PCCA: variants seen among roughly 807,000 people sequenced by gnomAD.
PCCA encodes propionyl-CoA carboxylase alpha chain, mitochondrial.
In PCCA, 74 loss-of-function variants were observed where a neutral mutation model predicts 101.3. The observed-to-expected ratio is 0.73, with a 90% CI of 0.61 to 0.89. PCCA has a LOEUF of 0.89. PCCA is among the 40% of genes least tolerant of loss of function. The probability of loss-of-function intolerance (pLI) is 0.00; values close to 1 mark genes in which losing one functional copy is unlikely to be tolerated. For missense variants in PCCA, 891 were observed against 907.0 expected (o/e 0.98, Z 0.23); for synonymous variants, 294 against 313.6 (o/e 0.94, Z 0.66).
intron 12 of PCCA, among the ~76,000 whole-genome samples, chr13:100,278,701 G>A (rs1165830866): frequency 6.6e-6 from 1 of 152,052 alleles, no homozygotes; most frequent in East Asian, 1.9e-4. Flanking sequence ...GATGGTCTCA[G>A]TTTCTTGACC....
In PCCA at chr13:100,300,729, C is replaced by T. The variant is rs571758937; in HGVS notation, c.1066-731C>T. Reference sequence around the variant, plus strand: ...ACCAAGTTTATGTTGACATGTATCCCTGTTTGTGTACCTATATGTCAGCAC... The same window carrying T: ...ACCAAGTTTATGTTGACATGTATCCTTGTTTGTGTACCTATATGTCAGCAC... On this transcript the variant is annotated intron_variant, in intron 12 of 23. Coordinates refer to ENST00000376285, the MANE Select transcript of PCCA (RefSeq NM_000282.4). Among the ~76,000 whole-genome samples, 5 of 152,310 alleles carry T rather than the reference C, an allele frequency of 3.3e-5. No individual in the cohort carries two copies. The East Asian group carries it at 7.7e-4, about 23-fold the overall frequency.
intron 9 of PCCA, among the ~76,000 whole-genome samples, chr13:100,258,070 A>T (rs563994061): frequency 1.3e-5 from 2 of 152,356 alleles, no homozygotes; most frequent in African/African-American, 4.8e-5. Context: ...TTAATGTATT[A>T]CCTCAATATG....
chr13:100,334,193 C>T (rs2070069751), intron 17 of PCCA, among the ~76,000 whole-genome samples: 1 of 152,158 alleles, frequency 6.6e-6, no homozygotes, highest in Non-Finnish European at 1.5e-5. Flanking sequence ...ATTGGAATAC[C>T]TCTCCGGGGA....
intron 19 of PCCA, among the ~76,000 whole-genome samples, chr13:100,371,151 G>A (rs2075548762): frequency 6.6e-6 from 1 of 152,130 alleles, no homozygotes; most frequent in South Asian, 2.1e-4. Flanking sequence ...CCAAGTGGTG[G>A]CAGCTAACCT....
At chr13:100,183,422 C>T (rs1306467948) in intron 6 of PCCA, among the ~76,000 whole-genome samples, 3 of 152,118 alleles carry the variant, frequency 2.0e-5, no homozygotes, top group Non-Finnish European at 2.9e-5. Flanking sequence ...GTTCCCTACC[C>T]TGAAGAAGTT....
intron 17 of PCCA, among the ~76,000 whole-genome samples, chr13:100,335,257 A>G (rs987228697): frequency 6.6e-6 from 1 of 152,226 alleles, no homozygotes; most frequent in East Asian, 1.9e-4. Context: ...TTTAGGTAAG[A>G]TGATAGCTTA....
intron 6 of PCCA, among the ~76,000 whole-genome samples, chr13:100,206,273 C>CT (rs1050712238): frequency 2.6e-5 from 4 of 151,804 alleles, no homozygotes; most frequent in Non-Finnish European, 4.4e-5. Context: ...CTAGTGTCCT[C>CT]TTTTTTTTCT....
At chr13:100,525,139 G>T (rs1266348601) in intron 22 of PCCA, among the ~76,000 whole-genome samples, 1 of 152,144 alleles carries the variant, frequency 6.6e-6, no homozygotes, top group East Asian at 1.9e-4. Flanking sequence ...GATGGAGCAG[G>T]GAGGATCTAA....
chr13:100,410,389 C>T (rs1478092769), intron 19 of PCCA, among the ~76,000 whole-genome samples: 1 of 152,174 alleles, frequency 6.6e-6, no homozygotes, highest in Non-Finnish European at 1.5e-5. Flanking sequence ...ACTACAGGTA[C>T]ATGCCGTGAT....
chr13:100,156,696 C>T (rs548725371), intron 5 of PCCA, among the ~76,000 whole-genome samples: 2 of 152,288 alleles, frequency 1.3e-5, no homozygotes, highest in African/African-American at 4.8e-5. Context: ...AGTAAAACCA[C>T]ACCTCCATTT....
chr13:100,277,461 G>T (rs1224525221), intron 12 of PCCA, among the ~76,000 whole-genome samples: 3 of 152,020 alleles, frequency 2.0e-5, no homozygotes, highest in Non-Finnish European at 2.9e-5. Flanking sequence ...TTTTTAAGAA[G>T]ACCTCCCCCA....
At chr13:100,211,668 A>G (rs1010347388) in intron 7 of PCCA, among the ~76,000 whole-genome samples, 1 of 151,834 alleles carries the variant, frequency 6.6e-6, no homozygotes, top group Non-Finnish European at 1.5e-5. Flanking sequence ...TCCTCTTTTT[A>G]TTGTGCTAAC....
intron 9 of PCCA, among the ~76,000 whole-genome samples, chr13:100,260,690 C>T (rs530199401): frequency 9.9e-5 from 15 of 152,174 alleles, no homozygotes; most frequent in Admixed American, 9.2e-4. Context: ...AGCCACTGCA[C>T]TTGGCCACAA....
intron 21 of PCCA, among the ~76,000 whole-genome samples, chr13:100,487,368 A>G (rs541293233): frequency 6.6e-6 from 1 of 152,340 alleles, no homozygotes; most frequent in South Asian, 2.1e-4. Flanking sequence ...AAAACTGGGA[A>G]AAACTTCAAA....
intron 6 of PCCA, among the ~76,000 whole-genome samples, chr13:100,195,775 C>T (rs562831981): frequency 6.6e-6 from 1 of 152,292 alleles, no homozygotes; most frequent in Admixed American, 6.5e-5. Flanking sequence ...AGTCTTTCAA[C>T]TGGAAATGTT....
Position 100,089,235 on chromosome 13 carries a change from A to G in PCCA, c.105+10A>G. ...GCTGCGGACCCTGAAGGTGAGGAGC[A>G]ACGGGGCCTCGCGGGTCCGGGCTTC... is the stretch of plus-strand genomic sequence containing the variant. On this transcript the variant is annotated intron_variant, in intron 1 of 23. Coordinates refer to ENST00000376285, the MANE Select transcript of PCCA (RefSeq NM_000282.4). The G allele has an allele frequency of 1.3e-6, 2 of 1,494,260 alleles. No individual in the cohort carries two copies. The highest frequency in any genetic ancestry group is 2.6e-5 in the South Asian group (2 of 76,898). The allele number at this position is 1,494,260 out of a possible 1,614,324, so 92.6% of individuals were successfully genotyped here.
chr13:100,320,377 G>A (rs2067890691), intron 16 of PCCA, among the ~76,000 whole-genome samples: 1 of 152,200 alleles, frequency 6.6e-6, no homozygotes, highest in Admixed American at 6.5e-5. Flanking sequence ...TAGGAGTGGT[G>A]AGAGAGGCCA....
In PCCA at chr13:100,303,067, A is replaced by G. The variant is rs1036943871; in HGVS notation, c.1284+69A>G. 28 of 905,622 alleles carry G rather than the reference A, an allele frequency of 3.1e-5. No individual in the cohort carries two copies. The East Asian group carries it at 6.5e-4, about 21-fold the overall frequency. 56.1% of individuals were successfully genotyped at this position (905,622 alleles called of 1,614,324 possible). A position where few individuals can be genotyped will look rare whatever the true frequency, so the allele number is the denominator to read the frequency against. On this transcript the variant is annotated intron_variant, in intron 14 of 23. Coordinates refer to ENST00000376285, the MANE Select transcript of PCCA (RefSeq NM_000282.4). Reference sequence around the variant, plus strand: ...GATTTATGTCATACTTTTATGTTAAAGCATGTCAACACCAAAGGGTGTAAA... The same window carrying G: ...GATTTATGTCATACTTTTATGTTAAGGCATGTCAACACCAAAGGGTGTAAA...
intron 16 of PCCA, among the ~76,000 whole-genome samples, chr13:100,326,891 ATGT>A (rs1345825223): frequency 6.6e-6 from 1 of 152,174 alleles, no homozygotes; most frequent in Non-Finnish European, 1.5e-5. Context: ...AGTCAACAGT[ATGT>A]TATTAGTATT....
Sources: gnomAD v4.1 joint callset for allele counts (sites outside exome capture counted in the v4.1 genomes callset) on GRCh38, gnomAD v4.1.1 for gene constraint, MANE v1.5 for transcripts, NCBI Gene and HGNC (gene_info 2026-07-23, HGNC 2026-07-21) for gene names.